Variants in CLIC5 observed in about 807,000 individuals in gnomAD.
CLIC5 encodes CLIC family member 5.
Under a neutral mutation model 24.7 loss-of-function variants are expected in CLIC5, and 20 were observed. The ratio of observed to expected loss-of-function variants is 0.81; its 90% CI spans 0.57 to 1.18. The LOEUF is 1.18. Among genes scored for constraint, CLIC5 ranks in the 50% most tolerant of loss-of-function variants. CLIC5 has a pLI of 0.00. For missense variants in CLIC5, 341 were observed against 326.1 expected (o/e 1.05, Z -0.35); for synonymous variants, 159 against 135.6 (o/e 1.17, Z -1.20).
chr6:45,940,275 C>T (rs934166669), intron 4 of CLIC5, among the ~76,000 whole-genome samples: 2 of 152,218 alleles, frequency 1.3e-5, no homozygotes, highest in Admixed American at 1.3e-4. Context: ...TGTTCTTTTA[C>T]CTGCAGTTAA....
chr6:46,069,712 A>T, intron 1 of CLIC5, among the ~76,000 whole-genome samples: 1 of 152,114 alleles, frequency 6.6e-6, no homozygotes, highest in Middle Eastern at 3.2e-3. Context: ...CTCCTCCCTA[A>T]CTCATTCTAT....
At chr6:46,024,277 A>G (rs944015741) in intron 1 of CLIC5, among the ~76,000 whole-genome samples, 1 of 152,158 alleles carries the variant, frequency 6.6e-6, no homozygotes. Flanking sequence ...CTTAGGTTGA[A>G]GTAAAGCCTT....
At chr6:46,009,833 G>C (rs1048656981) in intron 1 of CLIC5, among the ~76,000 whole-genome samples, 3 of 152,164 alleles carry the variant, frequency 2.0e-5, no homozygotes, top group Non-Finnish European at 2.9e-5. Context: ...AGCTTTCTTG[G>C]ATGAGGGAGC....
chr6:46,076,101 G>A (rs767576090), intron 1 of CLIC5, among the ~76,000 whole-genome samples: 1 of 152,178 alleles, frequency 6.6e-6, no homozygotes, highest in Non-Finnish European at 1.5e-5. Flanking sequence ...TGGCCATACT[G>A]TTCCTTCCAA....
intron 1 of CLIC5, among the ~76,000 whole-genome samples, chr6:45,977,763 A>G (rs1274779447): frequency 6.6e-6 from 1 of 152,128 alleles, no homozygotes; most frequent in African/African-American, 2.4e-5. Flanking sequence ...TCTACTTTCA[A>G]ATACTAACTC....
rs111553253 is a variant in CLIC5 at position 45,935,783 on chromosome 6, G to T, written c.406+5764C>A. 3.5e-4 allele frequency among the ~76,000 whole-genome samples: 53 copies of T among 152,270 alleles called. No homozygotes were observed. In the East Asian group the frequency reaches 0.01, roughly 29 times the overall value. On this transcript the variant is annotated intron_variant, in intron 4 of 5. Transcript: ENST00000339561. Reference sequence around the variant, plus strand: ...CCTCCATCAGACTGAGCTCTCTCTGGTTGTGTAGAATCTGAGTAATGGGTG... The same window carrying T: ...CCTCCATCAGACTGAGCTCTCTCTGTTTGTGTAGAATCTGAGTAATGGGTG...
intron 1 of CLIC5, among the ~76,000 whole-genome samples, chr6:45,974,760 G>A (rs971291782): frequency 6.6e-6 from 1 of 151,892 alleles, no homozygotes; most frequent in Admixed American, 6.6e-5. Flanking sequence ...AAATATTTTG[G>A]AATGTAGAAA....
At chr6:46,079,741 C>T in exon 1 of CLIC5, 3 of 1,551,762 alleles carry the variant, frequency 1.9e-6, no homozygotes, top group Middle Eastern at 1.7e-4. Flanking sequence ...ATGTGAGCTC[C>T]CTCCTTTTCT....
the CLIC5 span, among the ~76,000 whole-genome samples, chr6:46,090,629 C>G: frequency 6.6e-6 from 1 of 152,090 alleles, no homozygotes; most frequent in Non-Finnish European, 1.5e-5. Flanking sequence ...CAACACGATG[C>G]CTTAATATGT....
intron 5 of CLIC5, among the ~76,000 whole-genome samples, chr6:45,907,756 A>G (rs1762701605): frequency 6.6e-6 from 1 of 152,084 alleles, no homozygotes; most frequent in African/African-American, 2.4e-5. Context: ...ATCTTGGAAT[A>G]TTGACTTTGT....
At chr6:45,937,752 T>C (rs1285921275) in intron 4 of CLIC5, among the ~76,000 whole-genome samples, 2 of 152,202 alleles carry the variant, frequency 1.3e-5, no homozygotes, top group Non-Finnish European at 2.9e-5. Flanking sequence ...TGGATGATTC[T>C]CTCCATTACT....
chr6:46,060,305 T>A (rs956662897), intron 1 of CLIC5, among the ~76,000 whole-genome samples: 3 of 152,068 alleles, frequency 2.0e-5, no homozygotes, highest in African/African-American at 4.8e-5. Context: ...TTATTAAAAA[T>A]TTTTTTAATT....
At chr6:46,064,134 G>A (rs1762373638) in intron 1 of CLIC5, among the ~76,000 whole-genome samples, 1 of 152,012 alleles carries the variant, frequency 6.6e-6, no homozygotes, top group African/African-American at 2.4e-5. Flanking sequence ...TACATCTTAT[G>A]TTTAAGAAGA....
the CLIC5 span, among the ~76,000 whole-genome samples, chr6:46,104,624 C>T: frequency 6.7e-6 from 1 of 148,814 alleles, no homozygotes; most frequent in African/African-American, 2.5e-5. Context: ...AATTATAATA[C>T]ACCCTGAGCT....
chr6:46,060,644 CA>C (rs1762232863), intron 1 of CLIC5, among the ~76,000 whole-genome samples: 2 of 152,176 alleles, frequency 1.3e-5, no homozygotes, highest in Non-Finnish European at 2.9e-5. Flanking sequence ...CCTCTTAAAG[CA>C]GCACAGGATT....
intron 1 of CLIC5, among the ~76,000 whole-genome samples, chr6:46,032,677 C>G (rs1389955401): frequency 6.6e-6 from 1 of 152,166 alleles, no homozygotes; most frequent in Non-Finnish European, 1.5e-5. Context: ...TCCCTGGATT[C>G]AGAAACCTCT....
At chr6:46,066,629 GT>G (rs1288651271) in intron 1 of CLIC5, among the ~76,000 whole-genome samples, 1 of 152,120 alleles carries the variant, frequency 6.6e-6, no homozygotes, top group Admixed American at 6.6e-5. Flanking sequence ...GGGGTACATG[GT>G]TGAATAAGAT....
chr6:46,077,420 A>G (rs6933669), intron 1 of CLIC5, among the ~76,000 whole-genome samples: 46,913 of 151,754 alleles, frequency 0.31, 7,633 homozygotes, highest in Middle Eastern at 0.4. Context: ...CTAGGAAGAC[A>G]GTGAGCCACA....
intron 2 of CLIC5, among the ~76,000 whole-genome samples, chr6:45,950,309 CCA>C (rs1764426588): frequency 6.6e-6 from 1 of 152,046 alleles, no homozygotes; most frequent in Non-Finnish European, 1.5e-5. Flanking sequence ...GCCTGTAATC[CCA>C]CCACTTTGGG....
Sources: allele counts gnomAD v4.1 joint callset (sites outside exome capture counted in the v4.1 genomes callset), GRCh38; gene constraint gnomAD v4.1.1; transcripts MANE v1.5; gene names NCBI Gene and HGNC (gene_info 2026-07-23, HGNC 2026-07-21).